IGFBP5: variants seen among roughly 807,000 people sequenced by gnomAD.
The protein encoded by IGFBP5 is insulin-like growth factor-binding protein 5.
Under a neutral mutation model 28.0 loss-of-function variants are expected in IGFBP5, and 12 were observed. The ratio of observed to expected loss-of-function variants is 0.43; its 90% CI spans 0.27 to 0.69. The LOEUF is 0.69. Among genes scored for constraint, IGFBP5 ranks in the 30% least tolerant of loss-of-function variants. The pLI, the probability that IGFBP5 is intolerant of heterozygous loss-of-function variation, is 0.20. For synonymous variants in IGFBP5, 152 were observed against 150.2 expected (o/e 1.01, Z -0.09); for missense variants, 344 against 381.6 (o/e 0.90, Z 0.82).
chr2:216,678,560 C>T (rs1179378122), intron 2 of IGFBP5, among the ~76,000 whole-genome samples: 1 of 152,186 alleles, frequency 6.6e-6, no homozygotes, highest in African/African-American at 2.4e-5. Flanking sequence ...TCAGTCTCTG[C>T]CTTGGACTGG....
At chr2:216,676,923 C>T (rs113751362) in intron 3 of IGFBP5, 41 bp from the exon 4 acceptor site, 5 of 1,606,382 alleles carry the variant, frequency 3.1e-6, no homozygotes, top group African/African-American at 2.7e-5. Flanking sequence ...ACGGCCGCAC[C>T]CCAGGGCTCT....
intron 1 of IGFBP5, among the ~76,000 whole-genome samples, chr2:216,690,275 T>A (rs1031563287): frequency 6.6e-6 from 1 of 152,152 alleles, no homozygotes; most frequent in Non-Finnish European, 1.5e-5. Flanking sequence ...ATCGCCTGCT[T>A]GACTCAACGC....
At position 216,672,779 on chromosome 2, in the gene IGFBP5, CAG is replaced by C. The variant is rs1688848489; in HGVS notation, c.*3970_*3971del. ...CCAAAAGGATTTCAGGAGAGGAGGC[CAG>C]AGTCTGTGAAATGACTAAACTATAT... On this transcript the variant is annotated 3_prime_UTR_variant, in exon 4 of 4. Transcript: ENST00000233813. 1 of 152,550 alleles carries C rather than the reference CAG, an allele frequency of 6.6e-6. No homozygotes were observed. Among genetic ancestry groups the C allele is most frequent in the Non-Finnish European group, 1.5e-5 (1 of 68,038 alleles). 9.4% of individuals were successfully genotyped at this position (152,550 alleles called of 1,614,324 possible).
chr2:216,694,901 G>A lies in IGFBP5; in HGVS notation c.-126C>T. The A allele has an allele frequency of 1.6e-6, 1 of 624,732 alleles. No individual in the cohort carries two copies. Among genetic ancestry groups the A allele is most frequent in the Non-Finnish European group, 2.4e-6 (1 of 419,522 alleles). The allele number at this position is 624,732 out of a possible 1,614,324, so 38.7% of individuals were successfully genotyped here. ...TTTGTTTTAAAATTTCTGGCAGGTAGAGCAGGTGCCCTCCCCCAGACACTT... is the reference window on the plus strand; with the variant it reads ...TTTGTTTTAAAATTTCTGGCAGGTAAAGCAGGTGCCCTCCCCCAGACACTT... On this transcript the variant is annotated 5_prime_UTR_variant, in exon 1 of 4. Transcript: ENST00000233813. The surrounding 1 kb of genome is among the most constrained non-coding windows in gnomAD (Gnocchi z 5.2).
At chr2:216,678,267 C>A in intron 2 of IGFBP5, 36 bp from the exon 3 acceptor site, 1 of 1,481,428 alleles carries the variant, frequency 6.8e-7, no homozygotes, top group South Asian at 1.4e-5. Flanking sequence ...GTGGCGAGAC[C>A]AAGGGAAAAC....
chr2:216,686,823 C>T (rs954629025), intron 1 of IGFBP5, among the ~76,000 whole-genome samples: 16 of 151,892 alleles, frequency 1.1e-4, no homozygotes, highest in South Asian at 4.2e-4. Flanking sequence ...TGCAGCACCA[C>T]GCCCAGGATG....
At chr2:216,683,801 A>G (rs1158904559) in intron 1 of IGFBP5, among the ~76,000 whole-genome samples, 1 of 152,194 alleles carries the variant, frequency 6.6e-6, no homozygotes. Context: ...TGATAATATT[A>G]TCTGGATACA....
intron 1 of IGFBP5, among the ~76,000 whole-genome samples, chr2:216,687,037 C>G (rs1689041272): frequency 6.6e-6 from 1 of 152,174 alleles, no homozygotes; most frequent in Admixed American, 6.5e-5. Flanking sequence ...GTGCTGTTTC[C>G]TACCACCTCC....
Position 216,676,745 on chromosome 2 carries a change from G to A in IGFBP5, c.*6C>T, listed in dbSNP as rs772562719. The stretch of plus-strand genomic sequence containing the variant: ...GGGGGTGAGGGAAAGGTTGGGGGGG[G>A]ACGCATCACTCAACGTTGCTGCTGT... On this transcript the variant is annotated 3_prime_UTR_variant, in exon 4 of 4. Coordinates refer to ENST00000233813, the MANE Select transcript of IGFBP5 (RefSeq NM_000599.4). The A allele has an allele frequency of 8.6e-5, 123 of 1,437,886 alleles. No individual in the cohort carries two copies. The highest frequency in any genetic ancestry group is 2.1e-4 in the Admixed American group (12 of 56,082). The allele number at this position is 1,437,886 out of a possible 1,614,324, so 89.1% of individuals were successfully genotyped here.
At chr2:216,684,732 C>A (rs1320885571) in intron 1 of IGFBP5, among the ~76,000 whole-genome samples, 1 of 152,218 alleles carries the variant, frequency 6.6e-6, no homozygotes, top group Non-Finnish European at 1.5e-5. Flanking sequence ...CAATAAATAA[C>A]CTTTAAATGG....
At chr2:216,691,836 C>CGTGAGT (rs1689100446) in intron 1 of IGFBP5, among the ~76,000 whole-genome samples, 1 of 121,222 alleles carries the variant, frequency 8.2e-6, no homozygotes, top group Non-Finnish European at 1.7e-5. Context: ...TATAATATGT[C>CGTGAGT]GTGTGTGTGT....
chr2:216,679,026 T>A lies in IGFBP5; in HGVS notation c.391A>T (p.Thr131Ser). The A allele has an allele frequency of 6.2e-7, 1 of 1,614,022 alleles. No individual in the cohort carries two copies. Among genetic ancestry groups the A allele is most frequent in the African/African-American group, 1.3e-5 (1 of 75,004 alleles). Residue 131 changes from threonine (T) to serine (S), a missense_variant, in exon 2 of 4, where the codon ACC becomes TCC. Thr to Ser is a moderately conservative substitution (Grantham distance 58). Transcript: ENST00000233813. This position sits in a 1 kb window ranked among gnomAD's most constrained non-coding sequence, Gnocchi z 4.6. Reference protein sequence around the residue: ...EPTTSEMAEETYSPKIFRPKH... With the variant: ...EPTTSEMAEESYSPKIFRPKH... ...GGCCGGAAGATCTTGGGGGAGTAGGTCTCCTCGGCCATCTCAGAGGTGGTG... is the reference window on the plus strand; with the variant it reads ...GGCCGGAAGATCTTGGGGGAGTAGGACTCCTCGGCCATCTCAGAGGTGGTG...
chr2:216,694,655 T>G lies in IGFBP5; in HGVS notation c.121A>C (p.Ser41Arg). ...TTGACCAGCTCGCAGCCCAGGGGGC[T>G]GGGGGGGCACATGGAGAGGGCTTTC... ...DEKALSMCPP[S>R]PLGCELVKEP... The change falls in exon 1 of 4, where the codon AGC (serine) becomes CGC (arginine). Residue 41 changes from serine (S) to arginine (R), a missense_variant. Ser to Arg is a moderately radical substitution (Grantham distance 110). Coordinates refer to ENST00000233813, the MANE Select transcript of IGFBP5 (RefSeq NM_000599.4). The surrounding 1 kb of genome is among the most constrained non-coding windows in gnomAD (Gnocchi z 5.2). 2 of 1,527,380 alleles carry G rather than the reference T, an allele frequency of 1.3e-6. No homozygotes were observed. The highest frequency in any genetic ancestry group is 1.8e-6 in the Non-Finnish European group (2 of 1,140,440). The allele number at this position is 1,527,380 out of a possible 1,614,324, so 94.6% of individuals were successfully genotyped here.
intron 1 of IGFBP5, among the ~76,000 whole-genome samples, chr2:216,681,428 G>A (rs1015325614): frequency 2.6e-5 from 4 of 152,138 alleles, no homozygotes; most frequent in East Asian, 1.9e-4. Context: ...GCTGACCAGC[G>A]CATGCGTCTA....
At chr2:216,689,286 G>A (rs1396506910) in intron 1 of IGFBP5, among the ~76,000 whole-genome samples, 3 of 152,156 alleles carry the variant, frequency 2.0e-5, no homozygotes, top group African/African-American at 7.2e-5. Context: ...AATGAGGTTT[G>A]GCGCATGGAC....
intron 1 of IGFBP5, among the ~76,000 whole-genome samples, chr2:216,681,127 C>T (rs759078611): frequency 1.2e-4 from 18 of 152,130 alleles, no homozygotes; most frequent in Non-Finnish European, 2.4e-4. Context: ...ACAGGCCTCA[C>T]GCCAAGGCTC....
At chr2:216,691,877 G>A (rs909539911) in intron 1 of IGFBP5, among the ~76,000 whole-genome samples, 2 of 120,760 alleles carry the variant, frequency 1.7e-5, no homozygotes, top group Non-Finnish European at 3.5e-5. Context: ...GTGTGTGTGT[G>A]TATGCTGCAA....
Position 216,674,023 on chromosome 2 carries a change from C to G in IGFBP5, c.*2728G>C, listed in dbSNP as rs1300261142. 6.5e-6 allele frequency: 1 copy of G among 152,716 alleles called. No homozygotes were observed. Among genetic ancestry groups the G allele is most frequent in the Admixed American group, 6.5e-5 (1 of 15,290 alleles). The allele number at this position is 152,716 out of a possible 1,614,324, so 9.5% of individuals were successfully genotyped here. On this transcript the variant is annotated 3_prime_UTR_variant, in exon 4 of 4. Coordinates refer to ENST00000233813, the MANE Select transcript of IGFBP5 (RefSeq NM_000599.4). The surrounding 1 kb of genome is among the most constrained non-coding windows in gnomAD (Gnocchi z 4.4). ...CCACCTGATGGCTGGCAGCAAAGAG[C>G]CAACGCAAGGGGCAGAAGCCTGCTC...
intron 1 of IGFBP5, among the ~76,000 whole-genome samples, chr2:216,691,836 CGTGTGT>C (rs56040272): frequency 0.032 from 3,918 of 121,110 alleles, 69 homozygotes; most frequent in African/African-American, 0.051. Context: ...TATAATATGT[CGTGTGT>C]GTGTGTGTGT....
Sources: allele counts gnomAD v4.1 joint callset (sites outside exome capture counted in the v4.1 genomes callset), GRCh38; gene constraint gnomAD v4.1.1; non-coding constraint Gnocchi (gnomAD v3.1); transcripts MANE v1.5; gene names NCBI Gene and HGNC (gene_info 2026-07-23, HGNC 2026-07-21).